The following PRKAR1B variants were observed in gnomAD, a reference collection of about 807,000 sequenced individuals.
PRKAR1B encodes the protein cAMP-dependent protein kinase type I-beta regulatory subunit.
In PRKAR1B, 22 loss-of-function variants were observed where a neutral mutation model predicts 46.5. That is an observed-to-expected ratio of 0.47 (90% CI 0.34 to 0.68). PRKAR1B has a LOEUF of 0.68. PRKAR1B is among the 30% of genes least tolerant of loss of function. The pLI is 0.01. For synonymous variants in PRKAR1B, 259 were observed against 217.7 expected (o/e 1.19, Z -1.67); for missense variants, 445 against 535.6 (o/e 0.83, Z 1.67).
chr7:588,395 G>C (rs1461172611), intron 7 of PRKAR1B, among the ~76,000 whole-genome samples: 1 of 152,276 alleles, frequency 6.6e-6, no homozygotes, highest in African/African-American at 2.4e-5. Flanking sequence ...CAAATGTTAT[G>C]TTGCTGCTAA....
chr7:679,081 T>C (rs1778508755), intron 3 of PRKAR1B, among the ~76,000 whole-genome samples: 1 of 152,150 alleles, frequency 6.6e-6, no homozygotes, highest in African/African-American at 2.4e-5. Context: ...AGAGTGAAAC[T>C]CCATCTCAAA....
chr7:713,068 C>T lies in PRKAR1B; in HGVS notation c.-22-1541G>A, dbSNP rs143157733. 809 of 152,410 alleles carry T rather than the reference C, an allele frequency of 5.3e-3. 2 individuals are homozygous for T. Among genetic ancestry groups the T allele is most frequent in the Middle Eastern group, 0.014 (4 of 296 alleles). The allele number at this position is 152,410 out of a possible 1,614,324, so 9.4% of individuals were successfully genotyped here. On this transcript the variant is annotated intron_variant, in intron 1 of 10. Coordinates refer to ENST00000537384, the MANE Select transcript of PRKAR1B (RefSeq NM_001164760.2). ...ATTCTTTCCCACCTTTCTTGGGGAT[C>T]CAGAGGTCACGGAGGCCTAGGAGGA...
chr7:611,620 T>A (rs1395172114), intron 4 of PRKAR1B, among the ~76,000 whole-genome samples: 1 of 152,254 alleles, frequency 6.6e-6, no homozygotes, highest in East Asian at 1.9e-4. Flanking sequence ...AGCTCTCAGA[T>A]GGAGACCACA....
chr7:673,521 C>A (rs907816790), intron 4 of PRKAR1B, among the ~76,000 whole-genome samples: 2 of 151,612 alleles, frequency 1.3e-5, no homozygotes, highest in African/African-American at 4.9e-5. Context: ...TGGTGGCGGG[C>A]GCCTGTAGTC....
chr7:728,196 C>T (rs1194834903), upstream of PRKAR1B, among the ~76,000 whole-genome samples: 1 of 152,180 alleles, frequency 6.6e-6, no homozygotes, highest in East Asian at 1.9e-4. Flanking sequence ...CCCTTTCCCT[C>T]CCCTGGCTGG....
intron 7 of PRKAR1B, among the ~76,000 whole-genome samples, chr7:589,263 C>T (rs916623025): frequency 1.3e-5 from 2 of 151,698 alleles, no homozygotes; most frequent in Non-Finnish European, 2.9e-5. Flanking sequence ...CTTCTCTGTC[C>T]TCCCAAATTC....
chr7:559,423 A>G (rs892377168), intron 9 of PRKAR1B, among the ~76,000 whole-genome samples: 1 of 152,152 alleles, frequency 6.6e-6, no homozygotes, highest in African/African-American at 2.4e-5. Flanking sequence ...GGCAGTCAGA[A>G]GGGATCTGCT....
chr7:707,998 C>T (rs1780423155), intron 2 of PRKAR1B, among the ~76,000 whole-genome samples: 2 of 150,608 alleles, frequency 1.3e-5, no homozygotes, highest in South Asian at 4.2e-4. Context: ...CCAGCCTGGA[C>T]CACCCAAGAT....
At chr7:706,961 C>G (rs527781826) in intron 2 of PRKAR1B, among the ~76,000 whole-genome samples, 3 of 152,356 alleles carry the variant, frequency 2.0e-5, no homozygotes, top group Admixed American at 6.5e-5. Context: ...TGGCTGGCCT[C>G]GAGGGGGTGG....
chr7:585,285 T>A (rs1284180970), intron 7 of PRKAR1B, among the ~76,000 whole-genome samples: 1 of 152,152 alleles, frequency 6.6e-6, no homozygotes, highest in African/African-American at 2.4e-5. Context: ...AGCTCCAGCC[T>A]GGTGTGCAGA....
chr7:580,561 C>T (rs1780115416), intron 8 of PRKAR1B, among the ~76,000 whole-genome samples: 2 of 152,214 alleles, frequency 1.3e-5, no homozygotes, highest in East Asian at 3.9e-4. Flanking sequence ...GGTCAAAATG[C>T]TTACTTCCCA....
intron 4 of PRKAR1B, among the ~76,000 whole-genome samples, chr7:619,551 C>T (rs568875581): frequency 1.6e-4 from 25 of 152,308 alleles, no homozygotes; most frequent in Non-Finnish European, 2.9e-4. Context: ...GATTCAAAAC[C>T]GGGTGATCTG....
chr7:647,177 C>T (rs912566628), intron 4 of PRKAR1B, among the ~76,000 whole-genome samples: 43 of 152,308 alleles, frequency 2.8e-4, no homozygotes, highest in Middle Eastern at 3.4e-3. Flanking sequence ...CCACCTCCTC[C>T]GGGGTTGGGG....
chr7:665,437 C>T (rs1006994401), intron 4 of PRKAR1B, among the ~76,000 whole-genome samples: 3 of 152,150 alleles, frequency 2.0e-5, no homozygotes, highest in South Asian at 2.1e-4. Flanking sequence ...AGGCCCATGG[C>T]CCAGGGACTG....
chr7:676,212 A>G (rs1201529159), intron 4 of PRKAR1B, among the ~76,000 whole-genome samples: 8 of 152,144 alleles, frequency 5.3e-5, no homozygotes, highest in Non-Finnish European at 1.2e-4. Context: ...TTTGCTTTCA[A>G]TCTTTTCAAA....
At chr7:663,503 C>G (rs2128497183) in intron 4 of PRKAR1B, among the ~76,000 whole-genome samples, 1 of 152,318 alleles carries the variant, frequency 6.6e-6, no homozygotes, top group East Asian at 1.9e-4. Flanking sequence ...TCCCAAAGTG[C>G]TGGGATTACA....
At chr7:607,306 G>T in intron 5 of PRKAR1B, 85 bp downstream of exon 5, 1 of 1,350,364 alleles carries the variant, frequency 7.4e-7, no homozygotes, top group Non-Finnish European at 1.0e-6. Flanking sequence ...GGGCCATCGT[G>T]CCTGCCCTTA....
intron 6 of PRKAR1B, among the ~76,000 whole-genome samples, chr7:603,629 G>A (rs1225746780): frequency 8.1e-6 from 1 of 123,412 alleles, no homozygotes; most frequent in East Asian, 2.3e-4. Context: ...GATGGGGGAG[G>A]AGGTGACACC....
intron 9 of PRKAR1B, among the ~76,000 whole-genome samples, chr7:569,323 A>G (rs9801189): frequency 6.6e-6 from 1 of 152,218 alleles, no homozygotes; most frequent in South Asian, 2.1e-4. Context: ...CCCAATTCAC[A>G]TCGAAACTCA....
Sources: allele counts gnomAD v4.1 joint callset (sites outside exome capture counted in the v4.1 genomes callset), GRCh38; gene constraint gnomAD v4.1.1; transcripts MANE v1.5; gene names NCBI Gene and HGNC (gene_info 2026-07-23, HGNC 2026-07-21).